Variants in SNX10 observed in about 807,000 individuals in gnomAD.
SNX10 encodes the protein sorting nexin-10.
Under a neutral mutation model 28.5 loss-of-function variants are expected in SNX10, and 25 were observed. The observed-to-expected ratio is 0.88, with a 90% CI of 0.64 to 1.22. The LOEUF is 1.22. SNX10 is among the 50% of genes most tolerant of loss of function. The pLI, the probability that SNX10 is intolerant of heterozygous loss-of-function variation, is 0.00. For synonymous variants in SNX10, 62 were observed against 81.4 expected (o/e 0.76, Z 1.28); for missense variants, 223 against 242.6 (o/e 0.92, Z 0.54).
chr7:26,306,404 T>G (rs1786594090), intron 1 of SNX10, among the ~76,000 whole-genome samples: 1 of 143,956 alleles, frequency 6.9e-6, no homozygotes, highest in Non-Finnish European at 1.5e-5. Flanking sequence ...AAAAGATGCT[T>G]GAAGAGAATT....
rs189585134 is a variant in SNX10, at chr7:26,305,412, T to C, written c.-24+13326T>C. Among the ~76,000 whole-genome samples, 13 of 152,344 alleles carry C rather than the reference T, an allele frequency of 8.5e-5. No individual in the cohort carries two copies. The East Asian group carries it at 2.3e-3, about 27-fold the overall frequency. The stretch of plus-strand genomic sequence containing the variant: ...ATCACACTGTAATTATCTTCCCCTT[T>C]CTCACTGATGTAGCAGCTCTTATTG... On this transcript the variant is annotated intron_variant, in intron 1 of 6. Transcript: ENST00000338523.
At chr7:26,344,081 A>G (rs1319531849) in intron 1 of SNX10, among the ~76,000 whole-genome samples, 2 of 151,376 alleles carry the variant, frequency 1.3e-5, no homozygotes, top group Non-Finnish European at 2.9e-5. Flanking sequence ...AACTCTTTTC[A>G]TCTTGCACAA....
chr7:26,338,060 T>C (rs563638452), intron 1 of SNX10, among the ~76,000 whole-genome samples: 6 of 152,290 alleles, frequency 3.9e-5, no homozygotes, highest in African/African-American at 7.2e-5. Flanking sequence ...CATATGTTTA[T>C]TGGCCCTTTG....
rs766117584 is a variant in SNX10, at chr7:26,346,404, A to T, written c.-23-16A>T. On this transcript the variant is annotated splice_polypyrimidine_tract_variant and intron_variant, in intron 1 of 6. Coordinates refer to ENST00000338523, the MANE Select transcript of SNX10 (RefSeq NM_013322.3). ...GGAGGTTCCAAATGACCCAGTGTGGATATCTTATTTTTCAGATTGATCGTG... is the reference window on the plus strand; with the variant it reads ...GGAGGTTCCAAATGACCCAGTGTGGTTATCTTATTTTTCAGATTGATCGTG... 1.9e-6 allele frequency: 3 copies of T among 1,568,552 alleles called. No homozygotes were observed. In the African/African-American group the frequency reaches 4.1e-5, roughly 21 times the overall value.
At chr7:26,344,568 G>A (rs73285228) in intron 1 of SNX10, among the ~76,000 whole-genome samples, 5,088 of 152,226 alleles carry the variant, frequency 0.033, 211 homozygotes, top group African/African-American at 0.11. Context: ...GTGTCCTCCA[G>A]GTTTATCCCT....
At chr7:26,355,151 G>A (rs913554183) in intron 2 of SNX10, among the ~76,000 whole-genome samples, 1 of 152,148 alleles carries the variant, frequency 6.6e-6, no homozygotes, top group Non-Finnish European at 1.5e-5. Flanking sequence ...GCGTATTTGT[G>A]TAGGTCTCCC....
intron 1 of SNX10, among the ~76,000 whole-genome samples, chr7:26,300,080 G>C (rs1786280449): frequency 6.6e-6 from 1 of 151,912 alleles, no homozygotes; most frequent in South Asian, 2.1e-4. Context: ...GCATGGTGGT[G>C]CATGCCTGTA....
Position 26,324,157 on chromosome 7 carries a change from GA to G in SNX10, c.-23-22262del, listed in dbSNP as rs201259813. On this transcript the variant is annotated intron_variant, in intron 1 of 6. Transcript: ENST00000338523. The stretch of plus-strand genomic sequence containing the variant: ...AGGTAACATCCACTCAGTTGAATAA[GA>G]TAACCCCTTATTCAGAAACATAGAT... Among the ~76,000 whole-genome samples, 584 of 152,176 alleles carry G rather than the reference GA, an allele frequency of 3.8e-3. 6 individuals carry two copies. Among genetic ancestry groups the G allele is most frequent in the African/African-American group, 0.013 (560 of 41,502 alleles).
chr7:26,353,688 G>A (rs1464110504), intron 2 of SNX10, among the ~76,000 whole-genome samples: 12 of 151,856 alleles, frequency 7.9e-5, no homozygotes, highest in Non-Finnish European at 8.8e-5. Context: ...CTCACCTCAG[G>A]TAATCTGCCT....
At chr7:26,302,035 A>G (rs1786389105) in intron 1 of SNX10, among the ~76,000 whole-genome samples, 1 of 152,202 alleles carries the variant, frequency 6.6e-6, no homozygotes, top group Admixed American at 6.5e-5. Flanking sequence ...GGACTGGGTC[A>G]TACGTTTTTT....
intron 1 of SNX10, among the ~76,000 whole-genome samples, chr7:26,339,103 G>A (rs1788069034): frequency 6.6e-6 from 1 of 152,186 alleles, no homozygotes; most frequent in African/African-American, 2.4e-5. Flanking sequence ...TTCGGGAAAG[G>A]GCTGTTACCA....
chr7:26,326,994 A>G (rs970791631), intron 1 of SNX10, among the ~76,000 whole-genome samples: 5 of 140,302 alleles, frequency 3.6e-5, no homozygotes, highest in African/African-American at 1.3e-4. Flanking sequence ...TCTGTCACCC[A>G]GGCTGGAGTG....
chr7:26,345,971 A>G (rs1021327355), intron 1 of SNX10, among the ~76,000 whole-genome samples: 1 of 152,124 alleles, frequency 6.6e-6, no homozygotes, highest in Non-Finnish European at 1.5e-5. Context: ...CTGGAGTAAT[A>G]TAAGTGTCAC....
chr7:26,316,640 T>C (rs1787101717), intron 1 of SNX10, among the ~76,000 whole-genome samples: 1 of 152,234 alleles, frequency 6.6e-6, no homozygotes, highest in African/African-American at 2.4e-5. Context: ...TTGTACTTTG[T>C]AATAATTATA....
At chr7:26,343,084 G>T (rs1340164714) in intron 1 of SNX10, among the ~76,000 whole-genome samples, 2 of 152,194 alleles carry the variant, frequency 1.3e-5, no homozygotes, top group African/African-American at 4.8e-5. Flanking sequence ...GATTACAGGT[G>T]TGAGCCCCCG....
intron 2 of SNX10, among the ~76,000 whole-genome samples, chr7:26,355,486 T>C (rs1344105006): frequency 6.6e-6 from 1 of 152,240 alleles, no homozygotes; most frequent in East Asian, 1.9e-4. Context: ...TTCCTTTCAA[T>C]AGCATCTTAG....
intron 1 of SNX10, among the ~76,000 whole-genome samples, 194 bp from the exon 2 acceptor site, chr7:26,346,226 C>T (rs1288630105): frequency 6.6e-6 from 1 of 152,094 alleles, no homozygotes; most frequent in Admixed American, 6.5e-5. Context: ...AGACTCCTAA[C>T]CCCTGGTGTG....
intron 2 of SNX10, chr7:26,354,244 A>T (rs1051839161): frequency 6.6e-6 from 1 of 152,240 alleles, no homozygotes; most frequent in Non-Finnish European, 1.5e-5. Flanking sequence ...ACGATGTCGA[A>T]CATCTTTCTA....
intron 1 of SNX10, among the ~76,000 whole-genome samples, chr7:26,310,395 A>G (rs1786780623): frequency 6.6e-6 from 1 of 152,252 alleles, no homozygotes; most frequent in African/African-American, 2.4e-5. Flanking sequence ...CCCTGCCCTC[A>G]AGGGACTTTT....
Sources: gnomAD v4.1 joint callset for allele counts (sites outside exome capture counted in the v4.1 genomes callset) on GRCh38, gnomAD v4.1.1 for gene constraint, MANE v1.5 for transcripts, NCBI Gene and HGNC (gene_info 2026-07-23, HGNC 2026-07-21) for gene names.